Variants in EFR3B observed in about 807,000 individuals in gnomAD.
The protein encoded by EFR3B is protein EFR3 homolog B.
EFR3B carries 64 observed loss-of-function variants against 104.7 expected under a neutral mutation model. That is an observed-to-expected ratio of 0.61 (90% confidence interval 0.50 to 0.75). The LOEUF is 0.75. EFR3B is among the 30% of genes least tolerant of loss of function. EFR3B has a pLI of 0.00. For missense variants in EFR3B, 750 were observed against 1,078.5 expected (o/e 0.70, Z 4.27); for synonymous variants, 385 against 417.9 (o/e 0.92, Z 0.96).
chr2:25,145,459 A>C (rs1432496365), intron 19 of EFR3B: 1 of 233,664 alleles, frequency 4.3e-6, no homozygotes, highest in African/African-American at 2.2e-5. Context: ...CTGTGGTCCC[A>C]GGTACTCAGG....
chr2:25,132,298 A>G (rs1008834856), intron 10 of EFR3B, among the ~76,000 whole-genome samples: 6 of 152,124 alleles, frequency 3.9e-5, no homozygotes, highest in Non-Finnish European at 8.8e-5. Context: ...AGTCCCAGTC[A>G]CCATCAGACC....
chr2:25,079,842 C>T, intron 1 of EFR3B: 1 of 839,912 alleles, frequency 1.2e-6, no homozygotes, highest in Non-Finnish European at 2.1e-6. Flanking sequence ...ACACAGAACA[C>T]AGTATCCTTA....
chr2:25,092,572 G>A (rs13417314), intron 2 of EFR3B, among the ~76,000 whole-genome samples: 4,229 of 151,340 alleles, frequency 0.028, 68 homozygotes, highest in Non-Finnish European at 0.037. Context: ...CCCCCGAGAC[G>A]GAGTCTCACT....
chr2:25,070,000 G>T, intron 1 of EFR3B, among the ~76,000 whole-genome samples: 1 of 152,254 alleles, frequency 6.6e-6, no homozygotes, highest in East Asian at 1.9e-4. Context: ...CCCAGCCAGG[G>T]TTGTAACTTT....
chr2:25,068,471 T>C (rs1668396527), intron 1 of EFR3B, among the ~76,000 whole-genome samples: 1 of 152,180 alleles, frequency 6.6e-6, no homozygotes, highest in South Asian at 2.1e-4. Context: ...TAAGTTAGAT[T>C]TCTCAAGCCT....
intron 1 of EFR3B, among the ~76,000 whole-genome samples, chr2:25,086,829 G>A (rs1558596264): frequency 1.3e-5 from 2 of 152,186 alleles, no homozygotes; most frequent in Non-Finnish European, 2.9e-5. Flanking sequence ...CTGACCTCAA[G>A]TGATCTGCCC....
chr2:25,110,319 G>A (rs1432377458), intron 4 of EFR3B, among the ~76,000 whole-genome samples: 1 of 152,094 alleles, frequency 6.6e-6, no homozygotes, highest in African/African-American at 2.4e-5. Context: ...GTGGGTTGGG[G>A]CCTCTACACA....
intron 20 of EFR3B, 121 bp from the exon 21 acceptor site, chr2:25,151,793 C>T: frequency 8.9e-7 from 1 of 1,128,024 alleles, no homozygotes; most frequent in South Asian, 1.6e-5. Context: ...ACGCCACTGT[C>T]CCCTACTCTT....
intron 2 of EFR3B, among the ~76,000 whole-genome samples, chr2:25,091,708 T>C (rs1669129480): frequency 1.3e-5 from 2 of 152,230 alleles, no homozygotes; most frequent in Admixed American, 1.3e-4. Flanking sequence ...CTCTGTGTGA[T>C]TGCCTCTGGA....
intron 1 of EFR3B, among the ~76,000 whole-genome samples, chr2:25,043,207 A>C (rs540475956): frequency 6.6e-6 from 1 of 152,154 alleles, no homozygotes; most frequent in African/African-American, 2.4e-5. Context: ...CCCGGTAGAC[A>C]TAAGTCCATG....
chr2:25,060,485 G>A (rs934145332), intron 1 of EFR3B, among the ~76,000 whole-genome samples: 12 of 151,998 alleles, frequency 7.9e-5, no homozygotes, highest in African/African-American at 2.9e-4. Flanking sequence ...AGAAAGTTTG[G>A]ATAAAATTAA....
chr2:25,042,188 G>T lies in EFR3B; in HGVS notation c.-125G>T, dbSNP rs912050699. ...CGGCCCCCGCGTCTGCTCCCTCCCC[G>T]CCCGGGCCCCTGTCGGCCGCCGCCA... On this transcript the variant is annotated 5_prime_UTR_variant, in exon 1 of 23. Coordinates refer to ENST00000403714, the MANE Select transcript of EFR3B (RefSeq NM_014971.2). This position sits in a 1 kb window ranked among gnomAD's most constrained non-coding sequence, Gnocchi z 5.4. 3.0e-6 allele frequency: 3 copies of T among 1,008,938 alleles called. No individual in the cohort carries two copies. Among genetic ancestry groups the T allele is most frequent in the Non-Finnish European group, 3.8e-6 (3 of 792,858 alleles). 62.5% of individuals were successfully genotyped at this position (1,008,938 alleles called of 1,614,324 possible).
At chr2:25,110,001 G>A (rs1028807709) in intron 4 of EFR3B, among the ~76,000 whole-genome samples, 2 of 152,142 alleles carry the variant, frequency 1.3e-5, no homozygotes, top group South Asian at 2.1e-4. Context: ...AGGTTGGGGG[G>A]AGGGCGGCTC....
At chr2:25,124,276 AAGTGTGTGTGTGTGTG>A (rs1228465129) in intron 5 of EFR3B, among the ~76,000 whole-genome samples, 1 of 73,130 alleles carries the variant, frequency 1.4e-5, no homozygotes, top group Non-Finnish European at 3.1e-5. Context: ...CTGTGCATGC[AAGTGTGTGTGTGTGTG>A]TGTGTGTGTG....
intron 6 of EFR3B, among the ~76,000 whole-genome samples, chr2:25,128,802 A>G (rs900231486): frequency 6.6e-6 from 1 of 151,514 alleles, no homozygotes; most frequent in Admixed American, 6.6e-5. Context: ...ACTAAAAAAA[A>G]ATGCAAAAAA....
chr2:25,154,400 C>T lies in EFR3B; in HGVS notation c.*60C>T. The T allele has an allele frequency of 7.1e-7, 1 of 1,398,638 alleles. No individual in the cohort carries two copies. Among genetic ancestry groups the T allele is most frequent in the Non-Finnish European group, 9.9e-7 (1 of 1,012,818 alleles). The allele number at this position is 1,398,638 out of a possible 1,614,324, so 86.6% of individuals were successfully genotyped here. On this transcript the variant is annotated 3_prime_UTR_variant, in exon 23 of 23. Coordinates refer to ENST00000403714, the MANE Select transcript of EFR3B (RefSeq NM_014971.2). This position sits in a 1 kb window ranked among gnomAD's most constrained non-coding sequence, Gnocchi z 4.1. The stretch of plus-strand genomic sequence containing the variant: ...TCTGAGGAGGGGCTCACCTCACGCC[C>T]ACCCCGACCACATGGAGATCTGGCT...
chr2:25,135,577 T>G lies in EFR3B; in HGVS notation c.1422T>G (p.Val474=), dbSNP rs1417009125. The G allele has an allele frequency of 6.4e-7, 1 of 1,551,848 alleles. No individual in the cohort carries two copies. The highest frequency in any genetic ancestry group is 1.4e-5 in the African/African-American group (1 of 73,032). The stretch of plus-strand genomic sequence containing the variant: ...AGGATGCAGAAATTCGACTCTTTGT[T>G]CTAGAGATTCTCATCAGTTTCATTG... ...LMEDAEIRLF[V]LEILISFIDR... Residue 474 remains valine (V), a synonymous_variant, in exon 13 of 23, where the codon GTT becomes GTG. Coordinates refer to ENST00000403714, the MANE Select transcript of EFR3B (RefSeq NM_014971.2).
At position 25,154,555 on chromosome 2, in the gene EFR3B, A is replaced by C. The variant is rs1016126323; in HGVS notation, c.*215A>C. The C allele has an allele frequency of 2.7e-5, 15 of 551,142 alleles. No individual in the cohort carries two copies. Among genetic ancestry groups the C allele is most frequent in the Non-Finnish European group, 4.5e-5 (14 of 311,392 alleles). The allele number at this position is 551,142 out of a possible 1,614,324, so 34.1% of individuals were successfully genotyped here. On this transcript the variant is annotated 3_prime_UTR_variant, in exon 23 of 23. Coordinates refer to ENST00000403714, the MANE Select transcript of EFR3B (RefSeq NM_014971.2). This position sits in a 1 kb window ranked among gnomAD's most constrained non-coding sequence, Gnocchi z 4.1. ...CCTGAGGGAGGTCTCACCAATCAGC[A>C]TCTCACCTGTGCCCTCTTTGTCTTC...
chr2:25,106,776 G>T (rs1669575958), intron 4 of EFR3B, among the ~76,000 whole-genome samples: 1 of 152,062 alleles, frequency 6.6e-6, no homozygotes, highest in African/African-American at 2.4e-5. Flanking sequence ...TAGAGACAGG[G>T]TTTCACTGTG....
Sources: gnomAD v4.1 joint callset for allele counts (sites outside exome capture counted in the v4.1 genomes callset) on GRCh38, gnomAD v4.1.1 for gene constraint, Gnocchi (gnomAD v3.1) non-coding constraint, MANE v1.5 for transcripts, NCBI Gene and HGNC (gene_info 2026-07-23, HGNC 2026-07-21) for gene names.